The following SFI1 variants were observed in gnomAD, a reference collection of about 807,000 sequenced individuals.
The protein encoded by SFI1 is SFI1 centrin binding protein, also known as protein SFI1 homolog.
Under a neutral mutation model 207.5 loss-of-function variants are expected in SFI1, and 195 were observed. The observed-to-expected ratio is 0.94, with a 90% CI of 0.84 to 1.06. SFI1 has a LOEUF of 1.06. Ranked by LOEUF, SFI1 falls within the 50% of genes least tolerant of loss-of-function variation. The pLI is 0.00. For synonymous variants in SFI1, 630 were observed against 598.9 expected (o/e 1.05, Z -0.76); for missense variants, 1,634 against 1,588.0 (o/e 1.03, Z -0.49).
intron 2 of SFI1, among the ~76,000 whole-genome samples, chr22:31,516,880 G>C (rs1481851725): frequency 3.9e-5 from 6 of 151,934 alleles, no homozygotes; most frequent in Non-Finnish European, 7.4e-5. Flanking sequence ...CTTGAACCTG[G>C]GAGGCGGAGG....
At chr22:31,596,277 C>G (rs1603287756) in intron 15 of SFI1, among the ~76,000 whole-genome samples, 2 of 151,712 alleles carry the variant, frequency 1.3e-5, no homozygotes, top group Non-Finnish European at 2.9e-5. Context: ...CTCTCTCTCT[C>G]TATCTATCTG....
intron 7 of SFI1, among the ~76,000 whole-genome samples, chr22:31,560,261 A>G (rs1173992045): frequency 2.4e-5 from 3 of 125,402 alleles, no homozygotes; most frequent in Admixed American, 1.5e-4. Context: ...AATTAGTAGG[A>G]AAAAAAAAAC....
rs2069002698 is a variant in SFI1, at chr22:31,606,521, T to C, written c.2157+91T>C. The C allele has an allele frequency of 3.0e-6, 3 of 1,000,028 alleles. No individual in the cohort carries two copies. In the Admixed American group the frequency reaches 6.0e-5, roughly 20 times the overall value. The allele number at this position is 1,000,028 out of a possible 1,614,324, so 61.9% of individuals were successfully genotyped here. On this transcript the variant is annotated intron_variant, in intron 21 of 32. Coordinates refer to ENST00000400288, the MANE Select transcript of SFI1 (RefSeq NM_001007467.3). ...GATGTAGGGGGTGGTGCCAGAGATTTGAACTGAATAAGGAACCTAGAAAAT... is the reference window on the plus strand; with the variant it reads ...GATGTAGGGGGTGGTGCCAGAGATTCGAACTGAATAAGGAACCTAGAAAAT...
At chr22:31,564,473 G>A (rs1300194958) in intron 8 of SFI1, among the ~76,000 whole-genome samples, 1 of 151,542 alleles carries the variant, frequency 6.6e-6, no homozygotes, top group Non-Finnish European at 1.5e-5. Context: ...TTTAAAAGGT[G>A]TTAGCATTTT....
intron 1 of SFI1, among the ~76,000 whole-genome samples, chr22:31,499,005 G>A (rs897085504): frequency 6.6e-6 from 1 of 150,828 alleles, no homozygotes; most frequent in Non-Finnish European, 1.5e-5. Context: ...CTACATGCCC[G>A]GCTTTGTTTT....
chr22:31,563,004 T>TATATATATATATA (rs1556015983), intron 8 of SFI1, among the ~76,000 whole-genome samples: 1 of 150,286 alleles, frequency 6.7e-6, no homozygotes, highest in Non-Finnish European at 1.5e-5. Context: ...TATATATATG[T>TATATATATATATA]TTTGAGACAG....
intron 14 of SFI1, chr22:31,587,403 A>G (rs1368054085): frequency 7.3e-6 from 2 of 275,718 alleles, no homozygotes; most frequent in African/African-American, 4.3e-5. Flanking sequence ...CCCAGGCTCA[A>G]GCGATTCTCC....
Position 31,561,301 on chromosome 22 carries a change from G to A in SFI1, c.674G>A (p.Ser225Asn). Residue 225 changes from serine (S) to asparagine (N), a missense_variant, in exon 8 of 33, where the codon AGC (serine) becomes AAC (asparagine). Physicochemically the swap from Ser to Asn is conservative, Grantham distance 46 (BLOSUM62 1). Transcript: ENST00000400288. Reference sequence around the variant, plus strand: ...TTGCTGTTTCACAGGGTGTGGTGGAGCACGTGGAGGCAGCGACTAGGACAG... The same window carrying A: ...TTGCTGTTTCACAGGGTGTGGTGGAACACGTGGAGGCAGCGACTAGGACAG... Reference protein sequence around the residue: ...RQRIILRVWWSTWRQRLGQVR... With the variant: ...RQRIILRVWWNTWRQRLGQVR... 1 of 1,613,984 alleles carries A rather than the reference G, an allele frequency of 6.2e-7. No individual in the cohort carries two copies. Among genetic ancestry groups the A allele is most frequent in the Admixed American group, 1.7e-5 (1 of 59,996 alleles).
chr22:31,531,631 T>C (rs922395829), intron 4 of SFI1, among the ~76,000 whole-genome samples: 1 of 151,158 alleles, frequency 6.6e-6, no homozygotes. Flanking sequence ...TGGTGGCTCA[T>C]GCCTGTAATC....
At chr22:31,549,140 T>C (rs1423563715) in intron 5 of SFI1, among the ~76,000 whole-genome samples, 1 of 151,316 alleles carries the variant, frequency 6.6e-6, no homozygotes, top group Non-Finnish European at 1.5e-5. Context: ...ATACAAAAAT[T>C]AGCCAGGAGT....
chr22:31,613,038 C>T (rs867655593), intron 24 of SFI1, 104 bp from the exon 25 acceptor site: 19 of 1,258,586 alleles, frequency 1.5e-5, no homozygotes, highest in Middle Eastern at 4.1e-4. Flanking sequence ...GTGGGAGCCT[C>T]GACTAGAGAG....
chr22:31,551,733 A>T (rs1027055254), intron 6 of SFI1, among the ~76,000 whole-genome samples: 5 of 152,130 alleles, frequency 3.3e-5, no homozygotes, highest in Middle Eastern at 3.2e-3. Flanking sequence ...GCCTGGCCTT[A>T]AGTTTAATTC....
At chr22:31,556,790 T>TTA (rs1219995984) in intron 6 of SFI1, 152 bp from the exon 7 acceptor site, 1 of 513,278 alleles carries the variant, frequency 1.9e-6, no homozygotes, top group Non-Finnish European at 3.5e-6. Context: ...GCACTCTAAT[T>TTA]AATTTTCTAG....
intron 7 of SFI1, among the ~76,000 whole-genome samples, chr22:31,558,269 G>T (rs73400214): frequency 0.011 from 1,661 of 152,272 alleles, 37 homozygotes; most frequent in African/African-American, 0.038. Context: ...GTTCAAACCT[G>T]TAATCCCAAC....
At chr22:31,519,733 C>T (rs1043706193) in intron 2 of SFI1, among the ~76,000 whole-genome samples, 5 of 151,262 alleles carry the variant, frequency 3.3e-5, no homozygotes, top group South Asian at 2.1e-4. Context: ...CCACTGCACC[C>T]GGCCTAATTT....
At chr22:31,584,980 C>T in intron 13 of SFI1, 88 bp from the exon 14 acceptor site, 1 of 1,123,840 alleles carries the variant, frequency 8.9e-7, no homozygotes, top group Admixed American at 2.0e-5. Flanking sequence ...GCCTTTAACT[C>T]ACAGGAAGTA....
At chr22:31,565,514 T>C (rs1191968073) in intron 8 of SFI1, among the ~76,000 whole-genome samples, 1 of 143,678 alleles carries the variant, frequency 7.0e-6, no homozygotes, top group African/African-American at 2.6e-5. Flanking sequence ...CTAGGCAACA[T>C]AGTGAGACCC....
intron 6 of SFI1, chr22:31,550,824 T>G (rs2148006514): frequency 6.5e-6 from 1 of 153,070 alleles, no homozygotes; most frequent in African/African-American, 2.4e-5. Flanking sequence ...ACATGGAGAG[T>G]CTAAGGGAAA....
chr22:31,512,378 G>T (rs879161590), intron 2 of SFI1, among the ~76,000 whole-genome samples: 1 of 151,416 alleles, frequency 6.6e-6, no homozygotes, highest in Admixed American at 6.6e-5. Context: ...AAAATTACAT[G>T]GTAAGAATAT....
Sources: gnomAD v4.1 joint callset for allele counts (sites outside exome capture counted in the v4.1 genomes callset) on GRCh38, gnomAD v4.1.1 for gene constraint, MANE v1.5 for transcripts, NCBI Gene and HGNC (gene_info 2026-07-23, HGNC 2026-07-21) for gene names.